Variants in NKAIN3 observed in about 807,000 individuals in gnomAD.
NKAIN3 encodes the protein sodium/potassium transporting ATPase interacting 3.
NKAIN3 carries 25 observed loss-of-function variants against 30.2 expected under a neutral mutation model. The ratio of observed to expected loss-of-function variants is 0.83; its 90% CI spans 0.60 to 1.16. NKAIN3 has a LOEUF of 1.16. Among genes scored for constraint, NKAIN3 ranks in the 50% most tolerant of loss-of-function variants. The pLI is 0.00. For synonymous variants in NKAIN3, 91 were observed against 89.6 expected, an observed-to-expected ratio of 1.02 and a Z score of -0.09; for missense variants, 225 against 254.1, an observed-to-expected ratio of 0.89 and a Z score of 0.78.
At chr8:62,350,794 G>A (rs1427728149) in intron 1 of NKAIN3, among the ~76,000 whole-genome samples, 9 of 151,886 alleles carry the variant, frequency 5.9e-5, no homozygotes, top group Non-Finnish European at 8.8e-5. Flanking sequence ...GGGTTCAAGC[G>A]ATTCTCATGC....
intron 1 of NKAIN3, among the ~76,000 whole-genome samples, chr8:62,393,187 A>T (rs1158554173): frequency 1.3e-5 from 2 of 152,100 alleles, no homozygotes; most frequent in Non-Finnish European, 2.9e-5. Flanking sequence ...TATTGAGGAA[A>T]TTGATAAAGA....
intron 1 of NKAIN3, among the ~76,000 whole-genome samples, chr8:62,324,585 A>C (rs1815051950): frequency 6.6e-6 from 1 of 152,124 alleles, no homozygotes; most frequent in Non-Finnish European, 1.5e-5. Flanking sequence ...TTTGTCAGGA[A>C]ATATTCATTA....
At chr8:62,703,469 A>T (rs1814411001) in intron 3 of NKAIN3, among the ~76,000 whole-genome samples, 1 of 152,234 alleles carries the variant, frequency 6.6e-6, no homozygotes, top group Non-Finnish European at 1.5e-5. Context: ...CAAAACATTT[A>T]GATATATCAG....
At chr8:62,395,064 G>A (rs1333109817) in intron 1 of NKAIN3, among the ~76,000 whole-genome samples, 2 of 151,258 alleles carry the variant, frequency 1.3e-5, no homozygotes, top group Admixed American at 1.3e-4. Context: ...CAGACGGTGG[G>A]TCGGCCAGGC....
chr8:62,500,935 G>A (rs994185613), intron 1 of NKAIN3, among the ~76,000 whole-genome samples: 10 of 152,208 alleles, frequency 6.6e-5, no homozygotes, highest in African/African-American at 1.2e-4. Flanking sequence ...CCATCATAAC[G>A]GGGATTGCTA....
intron 4 of NKAIN3, among the ~76,000 whole-genome samples, chr8:62,780,812 C>T (rs974914652): frequency 3.3e-5 from 5 of 151,942 alleles, no homozygotes; most frequent in African/African-American, 9.7e-5. Context: ...TGGTCATATA[C>T]GACAAACCCA....
chr8:62,805,638 T>A (rs961823497), intron 4 of NKAIN3, among the ~76,000 whole-genome samples: 5 of 152,196 alleles, frequency 3.3e-5, no homozygotes, highest in African/African-American at 1.2e-4. Flanking sequence ...TTACACCTTA[T>A]ACAAAAATTA....
chr8:62,723,319 A>C (rs1815153703), intron 3 of NKAIN3, among the ~76,000 whole-genome samples: 1 of 152,138 alleles, frequency 6.6e-6, no homozygotes, highest in African/African-American at 2.4e-5. Context: ...CACACACAAA[A>C]AATTGTTTTG....
intron 1 of NKAIN3, among the ~76,000 whole-genome samples, chr8:62,454,510 A>C (rs1240354838): frequency 6.7e-6 from 1 of 150,186 alleles, no homozygotes; most frequent in East Asian, 1.9e-4. Context: ...TTTATTACCA[A>C]CTATACAGTG....
intron 3 of NKAIN3, among the ~76,000 whole-genome samples, chr8:62,601,555 G>A (rs1316737670): frequency 6.6e-6 from 1 of 151,946 alleles, no homozygotes; most frequent in African/African-American, 2.4e-5. Context: ...TTCAGGTTCT[G>A]AACTAACATA....
intron 3 of NKAIN3, among the ~76,000 whole-genome samples, chr8:62,709,067 G>A (rs936094626): frequency 6.6e-6 from 1 of 152,134 alleles, no homozygotes; most frequent in Non-Finnish European, 1.5e-5. Context: ...TCCCTGGTGT[G>A]AAACCCACTT....
intron 1 of NKAIN3, among the ~76,000 whole-genome samples, chr8:62,295,222 G>T (rs1050744078): frequency 1.3e-5 from 2 of 152,122 alleles, no homozygotes; most frequent in Admixed American, 1.3e-4. Flanking sequence ...AAGGGAATGT[G>T]CCCTTGTCTG....
intron 1 of NKAIN3, among the ~76,000 whole-genome samples, chr8:62,432,485 T>C (rs1805041344): frequency 6.6e-6 from 1 of 152,100 alleles, no homozygotes; most frequent in South Asian, 2.1e-4. Context: ...GTGATATTGA[T>C]GTGACTTAAG....
chr8:62,341,643 A>G (rs1815750267), intron 1 of NKAIN3, among the ~76,000 whole-genome samples: 1 of 151,982 alleles, frequency 6.6e-6, no homozygotes, highest in African/African-American at 2.4e-5. Flanking sequence ...TTTTTTCAGG[A>G]TGAAGAGTCA....
At chr8:62,656,228 C>G (rs1300668428) in intron 3 of NKAIN3, among the ~76,000 whole-genome samples, 1 of 152,128 alleles carries the variant, frequency 6.6e-6, no homozygotes, top group South Asian at 2.1e-4. Flanking sequence ...TTTACATAAT[C>G]AGATTCAACA....
chr8:62,646,886 G>A (rs1012940387), intron 3 of NKAIN3, among the ~76,000 whole-genome samples: 1 of 152,038 alleles, frequency 6.6e-6, no homozygotes, highest in Non-Finnish European at 1.5e-5. Flanking sequence ...GAAAGAAATG[G>A]TACTGAATGT....
At chr8:62,944,073 A>T (rs1488749117) in intron 5 of NKAIN3, among the ~76,000 whole-genome samples, 1 of 152,014 alleles carries the variant, frequency 6.6e-6, no homozygotes, top group African/African-American at 2.4e-5. Flanking sequence ...TGCTTGGGTG[A>T]TGGGTGCACC....
chr8:62,494,335 A>G (rs985343931), intron 1 of NKAIN3, among the ~76,000 whole-genome samples: 4 of 152,120 alleles, frequency 2.6e-5, no homozygotes, highest in Non-Finnish European at 5.9e-5. Context: ...ACTGATTTGC[A>G]TATGTTGAAC....
intron 3 of NKAIN3, among the ~76,000 whole-genome samples, chr8:62,739,584 G>GT (rs936480409): frequency 2.4e-4 from 37 of 151,342 alleles, no homozygotes; most frequent in South Asian, 8.4e-4. Flanking sequence ...CCATGCATAG[G>GT]TTTTTTTTTA....
Sources: allele counts gnomAD v4.1 joint callset (sites outside exome capture counted in the v4.1 genomes callset), GRCh38; gene constraint gnomAD v4.1.1; transcripts MANE v1.5; gene names NCBI Gene and HGNC (gene_info 2026-07-23, HGNC 2026-07-21).